The following OTUD7B variants were observed in gnomAD, a reference collection of about 807,000 sequenced individuals.
The protein encoded by OTUD7B is OTU deubiquitinase 7B, also known as OTU domain-containing protein 7B.
In OTUD7B, 34 loss-of-function variants were observed where a neutral mutation model predicts 82.2. That is an observed-to-expected ratio of 0.41 (90% CI 0.31 to 0.55). The LOEUF (loss-of-function observed/expected upper bound fraction) is 0.55. Among genes scored for constraint, OTUD7B ranks in the 20% least tolerant of loss-of-function variants. The probability of loss-of-function intolerance (pLI) is 0.20; values close to 1 mark genes in which losing one functional copy is unlikely to be tolerated. For missense variants in OTUD7B, 944 were observed against 1,062.1 expected (o/e 0.89, Z 1.55); for synonymous variants, 398 against 402.7 (o/e 0.99, Z 0.14).
At chr1:149,989,379 A>T (rs1307508077) in intron 1 of OTUD7B, among the ~76,000 whole-genome samples, 2 of 150,064 alleles carry the variant, frequency 1.3e-5, no homozygotes, top group Non-Finnish European at 3.0e-5. Flanking sequence ...AGGCTGAGGC[A>T]GGAGAATTGC....
At chr1:149,983,692 A>C (rs1650943676) in intron 1 of OTUD7B, among the ~76,000 whole-genome samples, 1 of 152,080 alleles carries the variant, frequency 6.6e-6, no homozygotes, top group Non-Finnish European at 1.5e-5. Flanking sequence ...CCTGTTAAAG[A>C]TTTGAGATCT....
chr1:150,003,163 T>G (rs587754288), intron 1 of OTUD7B, among the ~76,000 whole-genome samples: 1 of 148,304 alleles, frequency 6.7e-6, no homozygotes, highest in Admixed American at 6.9e-5. Flanking sequence ...GGCAGGAGAA[T>G]GGCGTGAACC....
intron 7 of OTUD7B, among the ~76,000 whole-genome samples, chr1:149,954,802 T>C (rs1648537794): frequency 6.6e-6 from 1 of 152,238 alleles, no homozygotes; most frequent in Non-Finnish European, 1.5e-5. Context: ...TTTATCCATT[T>C]CTTCTACATT....
the OTUD7B span, among the ~76,000 whole-genome samples, chr1:150,023,179 C>T: frequency 6.6e-6 from 1 of 152,168 alleles, no homozygotes; most frequent in Non-Finnish European, 1.5e-5. Flanking sequence ...GGGACCCAGC[C>T]CACTGTTTGT....
the OTUD7B span, among the ~76,000 whole-genome samples, chr1:150,038,018 C>A: frequency 1.4e-4 from 22 of 151,764 alleles, no homozygotes; most frequent in Admixed American, 8.5e-4. Context: ...TGCCTTCACA[C>A]CCTAATTTTT....
Position 149,949,014 on chromosome 1 carries a change from C to G in OTUD7B, c.1193G>C (p.Gly398Ala), listed in dbSNP as rs782753568. 6.8e-6 allele frequency: 11 copies of G among 1,613,968 alleles called. No homozygotes were observed. In the Admixed American group the frequency reaches 1.5e-4, roughly 22 times the overall value. Reference protein sequence around the residue: ...PLHFAVDPGKGWEWGKDDSDN... With the variant: ...PLHFAVDPGKAWEWGKDDSDN... Reference sequence around the variant, plus strand: ...ACTATCATCTTTGCCCCACTCCCAGCCCTTTCCAGGGTCCACAGCAAAGTG... The same window carrying G: ...ACTATCATCTTTGCCCCACTCCCAGGCCTTTCCAGGGTCCACAGCAAAGTG... Residue 398 changes from glycine (G) to alanine (A), a missense_variant, in exon 10 of 12, where the codon GGC becomes GCC. Gly to Ala is a moderately conservative substitution (Grantham distance 60). Around this residue, in one of 3 missense-constraint regions of OTUD7B, gnomAD observed 530 missense variants for 625.6 expected, o/e 0.85. Transcript: ENST00000581312.
the OTUD7B span, among the ~76,000 whole-genome samples, chr1:150,040,181 T>C: frequency 6.6e-6 from 1 of 152,208 alleles, no homozygotes; most frequent in Non-Finnish European, 1.5e-5. Flanking sequence ...GAATGGGAGT[T>C]AAATTTTATC....
At chr1:149,994,889 T>C (rs1651826583) in intron 1 of OTUD7B, among the ~76,000 whole-genome samples, 2 of 152,194 alleles carry the variant, frequency 1.3e-5, no homozygotes, top group Admixed American at 6.5e-5. Flanking sequence ...AGAAAAAATT[T>C]CCCTGTAAAT....
chr1:150,056,684 T>C, the OTUD7B span, among the ~76,000 whole-genome samples: 1 of 152,164 alleles, frequency 6.6e-6, no homozygotes, highest in South Asian at 2.1e-4. Context: ...CTCTATATTA[T>C]ATTTTTCCTA....
chr1:150,042,595 C>G, the OTUD7B span, among the ~76,000 whole-genome samples: 1 of 152,124 alleles, frequency 6.6e-6, no homozygotes. Flanking sequence ...AACTAGTCCT[C>G]CACTTTAGGG....
At chr1:149,975,493 A>G (rs1461593406) in intron 2 of OTUD7B, among the ~76,000 whole-genome samples, 1 of 152,240 alleles carries the variant, frequency 6.6e-6, no homozygotes, top group Non-Finnish European at 1.5e-5. Context: ...AAAATAACAT[A>G]TCTCAAGTAC....
the OTUD7B span, among the ~76,000 whole-genome samples, chr1:150,018,018 T>C: frequency 6.6e-6 from 1 of 152,172 alleles, no homozygotes; most frequent in Non-Finnish European, 1.5e-5. Context: ...TTATGGTCTA[T>C]GGACGAGCCT....
At chr1:149,993,943 T>C (rs1390096781) in intron 1 of OTUD7B, among the ~76,000 whole-genome samples, 1 of 152,186 alleles carries the variant, frequency 6.6e-6, no homozygotes, top group Non-Finnish European at 1.5e-5. Context: ...GTATGGGCAA[T>C]GCTTCACAAT....
At chr1:149,952,717 T>C (rs1280533539) in intron 7 of OTUD7B, among the ~76,000 whole-genome samples, 1 of 152,200 alleles carries the variant, frequency 6.6e-6, no homozygotes, top group Non-Finnish European at 1.5e-5. Flanking sequence ...ACCTGTTGTT[T>C]CCTGACTTTT....
chr1:150,031,231 C>G, the OTUD7B span, among the ~76,000 whole-genome samples: 12,024 of 152,222 alleles, frequency 0.079, 697 homozygotes, highest in East Asian at 0.28. Flanking sequence ...TTAGATGAGG[C>G]ACAAGGCTAG....
chr1:150,022,009 T>C, the OTUD7B span, among the ~76,000 whole-genome samples: 10 of 152,292 alleles, frequency 6.6e-5, no homozygotes, highest in Non-Finnish European at 1.5e-4. Context: ...TTAATCATTC[T>C]TCCTGCTTCC....
the OTUD7B span, among the ~76,000 whole-genome samples, chr1:150,047,454 T>C: frequency 6.6e-6 from 1 of 152,204 alleles, no homozygotes; most frequent in Non-Finnish European, 1.5e-5. Context: ...TTGTGTACTG[T>C]CTGATTGTCC....
chr1:149,954,519 G>A (rs1291238218), intron 7 of OTUD7B, among the ~76,000 whole-genome samples: 2 of 151,996 alleles, frequency 1.3e-5, no homozygotes, highest in Non-Finnish European at 2.9e-5. Flanking sequence ...TTTTTTTGTT[G>A]TGTCTCTGCC....
At chr1:149,988,683 C>T (rs1553781393) in intron 1 of OTUD7B, among the ~76,000 whole-genome samples, 1 of 152,122 alleles carries the variant, frequency 6.6e-6, no homozygotes, top group East Asian at 1.9e-4. Context: ...AAACAAGAAT[C>T]ATGTCAATGT....
Sources: allele counts gnomAD v4.1 joint callset (sites outside exome capture counted in the v4.1 genomes callset), GRCh38; gene constraint gnomAD v4.1.1; regional missense constraint gnomAD v4.1.1; transcripts MANE v1.5; gene names NCBI Gene and HGNC (gene_info 2026-07-23, HGNC 2026-07-21).